The following TRPC4AP variants were observed in gnomAD, a reference collection of about 807,000 sequenced individuals.
TRPC4AP encodes short transient receptor potential channel 4-associated protein.
A neutral mutation model predicts 99.0 loss-of-function variants in TRPC4AP; 45 were observed. The observed-to-expected ratio is 0.45, with a 90% CI of 0.36 to 0.58. TRPC4AP has a LOEUF of 0.58. Among genes scored for constraint, TRPC4AP ranks in the 20% least tolerant of loss-of-function variants. The probability of loss-of-function intolerance (pLI) is 0.00; values close to 1 mark genes in which losing one functional copy is unlikely to be tolerated. For missense variants in TRPC4AP, 879 were observed against 985.3 expected (o/e 0.89, Z 1.44); for synonymous variants, 408 against 385.8 (o/e 1.06, Z -0.67).
At chr20:35,092,593 C>G (rs1569163842) in intron 1 of TRPC4AP, 21 bp downstream of exon 1, 1 of 1,468,914 alleles carries the variant, frequency 6.8e-7, no homozygotes, top group South Asian at 1.3e-5. Flanking sequence ...CCGCCCCGCC[C>G]CTCCTGGTCC....
chr20:35,084,608 GTATA>G (rs11469575), intron 1 of TRPC4AP, among the ~76,000 whole-genome samples: 1 of 107,514 alleles, frequency 9.3e-6, no homozygotes, highest in East Asian at 2.4e-4. Context: ...ATGTGTATAT[GTATA>G]TATGTTTATA....
intron 6 of TRPC4AP, among the ~76,000 whole-genome samples, chr20:35,047,297 T>C (rs1265061068): frequency 6.6e-6 from 1 of 152,250 alleles, no homozygotes; most frequent in African/African-American, 2.4e-5. Flanking sequence ...TAATTATTAT[T>C]GCCTTGCCAT....
chr20:35,018,905 G>T (rs997571196), intron 9 of TRPC4AP, among the ~76,000 whole-genome samples: 6 of 152,294 alleles, frequency 3.9e-5, no homozygotes, highest in Admixed American at 2.6e-4. Context: ...AAGGCGATGG[G>T]GGACGATGGA....
chr20:35,035,241 CT>C lies in TRPC4AP; in HGVS notation c.932del (p.Glu311GlyfsTer19). ...LCKLATRKVS[E>X]STGTASFLQE... is the part of the protein sequence containing the mutation. ...GAAGGAAGCTGGCTGTGCCCGTTGA[CT>C]CTGACACCTTTCGAGTCGCCAGTTT... On this transcript the variant is annotated frameshift_variant, in exon 8 of 19. Coordinates refer to ENST00000252015, the MANE Select transcript of TRPC4AP (RefSeq NM_015638.3). LOFTEE classifies it high-confidence loss of function. 1 of 1,614,148 alleles carries C rather than the reference CT, an allele frequency of 6.2e-7. No homozygotes were observed. Among genetic ancestry groups the C allele is most frequent in the Non-Finnish European group, 8.5e-7 (1 of 1,180,024 alleles).
At position 35,004,405 on chromosome 20, in the gene TRPC4AP, G is replaced by T. The variant is rs2082472861; in HGVS notation, c.2049+53C>A. The T allele has an allele frequency of 2.7e-6, 4 of 1,498,524 alleles. No homozygotes were observed. The East Asian group carries it at 9.6e-5, about 36-fold the overall frequency. The allele number at this position is 1,498,524 out of a possible 1,614,324, so 92.8% of individuals were successfully genotyped here. A position where few individuals can be genotyped will look rare whatever the true frequency, so the allele number is the denominator to read the frequency against. On this transcript the variant is annotated intron_variant, in intron 17 of 18. Transcript: ENST00000252015. ...GAAACCTGCTGGGCACCAGGACAAA[G>T]GAAGTGGTTTCCAATCGACCTTCCC...
rs1335264953 is a variant in TRPC4AP at position 35,002,707 on chromosome 20, C to T, written c.*439G>A. 1 of 177,088 alleles carries T rather than the reference C, an allele frequency of 5.6e-6. No individual in the cohort carries two copies. The highest frequency in any genetic ancestry group is 1.2e-5 in the Non-Finnish European group (1 of 83,760). 11.0% of individuals were successfully genotyped at this position (177,088 alleles called of 1,614,324 possible). Reference sequence around the variant, plus strand: ...CAGCATTCTCTGGTACCCACCACCCCTGCCCAGGGCTCAGAAGCCTTTGCC... The same window carrying T: ...CAGCATTCTCTGGTACCCACCACCCTTGCCCAGGGCTCAGAAGCCTTTGCC... On this transcript the variant is annotated 3_prime_UTR_variant, in exon 19 of 19. Coordinates refer to ENST00000252015, the MANE Select transcript of TRPC4AP (RefSeq NM_015638.3).
chr20:35,087,540 T>C (rs1439982171), intron 1 of TRPC4AP, among the ~76,000 whole-genome samples: 1 of 152,148 alleles, frequency 6.6e-6, no homozygotes, highest in East Asian at 1.9e-4. Flanking sequence ...TAATGTGAGC[T>C]GCACTATCCT....
intron 3 of TRPC4AP, among the ~76,000 whole-genome samples, chr20:35,068,333 G>A (rs1026398805): frequency 3.9e-5 from 6 of 152,122 alleles, no homozygotes; most frequent in Non-Finnish European, 8.8e-5. Flanking sequence ...AACTTCTTAG[G>A]TAGGTAAACT....
At chr20:35,004,437 G>A (rs1316775285) in intron 17 of TRPC4AP, 21 bp downstream of exon 17, 4 of 1,600,510 alleles carry the variant, frequency 2.5e-6, no homozygotes, top group East Asian at 2.2e-5. Flanking sequence ...TCCCTGCTGT[G>A]TGTCTGCCGG....
At chr20:35,041,556 A>AAAAAAC (rs914709139) in intron 7 of TRPC4AP, among the ~76,000 whole-genome samples, 8 of 152,224 alleles carry the variant, frequency 5.3e-5, no homozygotes, top group African/African-American at 9.6e-5. Flanking sequence ...CTCCCAAATA[A>AAAAAAC]AAAAACAAAA....
In TRPC4AP at chr20:35,092,650, G is replaced by A. The variant is rs2085108450; in HGVS notation, c.132C>T (p.Gly44=). The A allele has an allele frequency of 2.0e-6, 3 of 1,518,168 alleles. No homozygotes were observed. The highest frequency in any genetic ancestry group is 1.2e-5 in the South Asian group (1 of 82,708). 94.0% of individuals were successfully genotyped at this position (1,518,168 alleles called of 1,614,324 possible). A position where few individuals can be genotyped will look rare whatever the true frequency, so the allele number is the denominator to read the frequency against. Reference sequence around the variant, plus strand: ...GGACCAGGCCCCGGCCGGTCAGCTGGCCCTGCCGCAGCTGCAGCAGAATGT... The same window carrying A: ...GGACCAGGCCCCGGCCGGTCAGCTGACCCTGCCGCAGCTGCAGCAGAATGT... The part of the protein sequence containing the change: ...PGNILLQLRQ[G]QLTGRGLVRA... The change falls in exon 1 of 19, where the codon GGC becomes GGT. Residue 44 remains glycine, a synonymous_variant. Coordinates refer to ENST00000252015, the MANE Select transcript of TRPC4AP (RefSeq NM_015638.3).
chr20:35,080,812 T>G (rs1205082709), intron 1 of TRPC4AP, among the ~76,000 whole-genome samples: 1 of 152,048 alleles, frequency 6.6e-6, no homozygotes, highest in Non-Finnish European at 1.5e-5. Flanking sequence ...CAGTTTTTTT[T>G]TTTTTTACCC....
intron 8 of TRPC4AP, among the ~76,000 whole-genome samples, chr20:35,031,567 G>C (rs2147327119): frequency 6.6e-6 from 1 of 151,730 alleles, no homozygotes; most frequent in African/African-American, 2.4e-5. Context: ...GTCTGCATGT[G>C]GATCTGAGTA....
intron 5 of TRPC4AP, among the ~76,000 whole-genome samples, chr20:35,054,189 G>GTTTTTTTT (rs11430339): frequency 6.8e-6 from 1 of 146,838 alleles, no homozygotes; most frequent in Non-Finnish European, 1.5e-5. Flanking sequence ...GGAGCTAAAT[G>GTTTTTTTT]TTTTTTTTTT....
intron 2 of TRPC4AP, among the ~76,000 whole-genome samples, chr20:35,072,093 GTGTC>G (rs1315554095): frequency 6.6e-6 from 1 of 152,212 alleles, no homozygotes; most frequent in Non-Finnish European, 1.5e-5. Flanking sequence ...CTTTTGAAAA[GTGTC>G]TGTTCATATC....
intron 8 of TRPC4AP, among the ~76,000 whole-genome samples, chr20:35,031,357 G>A (rs956421942): frequency 3.4e-5 from 5 of 148,542 alleles, no homozygotes; most frequent in African/African-American, 1.3e-4. Context: ...TGAGTAGCTG[G>A]GATTACAGGT....
In TRPC4AP at chr20:35,010,327, C is replaced by G. The variant is rs1226320190; in HGVS notation, c.1410-39G>C. ...GGTTGGAGGAGGTAAAGGACAGGAA[C>G]TGGGGCTGCTGGGTCAGCACCAGGC... is the stretch of plus-strand genomic sequence containing the variant. On this transcript the variant is annotated intron_variant, in intron 11 of 18. Transcript: ENST00000252015. The G allele has an allele frequency of 3.9e-6, 6 of 1,551,820 alleles. No individual in the cohort carries two copies. The East Asian group carries it at 1.1e-4, about 29-fold the overall frequency.
chr20:35,010,282 C>G lies in TRPC4AP; in HGVS notation c.1416G>C (p.Lys472Asn). 1 of 1,614,112 alleles carries G rather than the reference C, an allele frequency of 6.2e-7. No individual in the cohort carries two copies. Among genetic ancestry groups the G allele is most frequent in the Non-Finnish European group, 8.5e-7 (1 of 1,179,974 alleles). ...LQSFSDHHEN[K>N]YLLLNNQELN... Reference sequence around the variant, plus strand: ...GCTCCTGGTTGTTGAGTAACAAGTACTTGTTCCTGAAACAAAATGGGTTGG... The same window carrying G: ...GCTCCTGGTTGTTGAGTAACAAGTAGTTGTTCCTGAAACAAAATGGGTTGG... The change falls in exon 12 of 19, where the codon AAG becomes AAC. Residue 472 changes from lysine to asparagine, a missense_variant. Lys to Asn is a moderately conservative substitution (Grantham distance 94). Transcript: ENST00000252015.
intron 7 of TRPC4AP, among the ~76,000 whole-genome samples, chr20:35,042,749 GCAA>G (rs904514100): frequency 3.3e-5 from 5 of 152,140 alleles, no homozygotes; most frequent in African/African-American, 7.2e-5. Flanking sequence ...ATCTGTGCAG[GCAA>G]CAACATTTTA....
Sources: allele counts gnomAD v4.1 joint callset (sites outside exome capture counted in the v4.1 genomes callset), GRCh38; gene constraint gnomAD v4.1.1; transcripts MANE v1.5; gene names NCBI Gene and HGNC (gene_info 2026-07-23, HGNC 2026-07-21).